Variants in DNAAF9 observed in about 807,000 individuals in gnomAD.
The protein encoded by DNAAF9 is dynein axonemal assembly factor 9.
DNAAF9 carries 90 observed loss-of-function variants against 167.0 expected under a neutral mutation model. The ratio of observed to expected loss-of-function variants is 0.54; its 90% CI spans 0.45 to 0.64. The LOEUF (loss-of-function observed/expected upper bound fraction) is 0.64, where lower values mean the gene tolerates loss of function less well. Ranked by LOEUF, DNAAF9 falls within the 30% of genes least tolerant of loss-of-function variation. DNAAF9 has a pLI of 0.00. For missense variants in DNAAF9, 1,315 were observed against 1,442.2 expected (o/e 0.91, Z 1.43); for synonymous variants, 491 against 508.8 (o/e 0.96, Z 0.47).
Position 3,270,465 on chromosome 20 carries a change from A to G in DNAAF9, c.2748T>C (p.Ala916=). The G allele has an allele frequency of 6.2e-7, 1 of 1,613,440 alleles. No homozygotes were observed. Among genetic ancestry groups the G allele is most frequent in the Non-Finnish European group, 8.5e-7 (1 of 1,179,416 alleles). Residue 916 remains alanine (A), a synonymous_variant, in exon 30 of 37, where the codon GCT becomes GCC. Transcript: ENST00000252032. ...CATTTTCTGCAAGAATGAAGGCTGCAGCAGGATTGGCAGCCCTGATGAGGC... is the reference window on the plus strand; with the variant it reads ...CATTTTCTGCAAGAATGAAGGCTGCGGCAGGATTGGCAGCCCTGATGAGGC... ...LQSLIRAANP[A]AAFILAENGI...
At chr20:3,382,150 T>C (rs1189152018) in intron 2 of DNAAF9, among the ~76,000 whole-genome samples, 1 of 152,178 alleles carries the variant, frequency 6.6e-6, no homozygotes, top group African/African-American at 2.4e-5. Context: ...TCTCAGAGTA[T>C]GGCTCTGGGC....
At chr20:3,374,228 G>A in intron 5 of DNAAF9, 74 bp from the exon 6 acceptor site, 5 of 938,032 alleles carry the variant, frequency 5.3e-6, no homozygotes, top group South Asian at 4.8e-5. Context: ...ACCTAACATG[G>A]TTAGACAGGT....
intron 1 of DNAAF9, 107 bp downstream of exon 1, chr20:3,407,368 C>T: frequency 1.0e-6 from 1 of 958,950 alleles, no homozygotes; most frequent in Non-Finnish European, 1.4e-6. Context: ...AAAGAACCGT[C>T]CCGAGGAAGC....
At position 3,394,947 on chromosome 20, in the gene DNAAF9, TTC is replaced by T. The variant is rs2083881582; in HGVS notation, c.84-12443_84-12442del. 1.2e-3 allele frequency among the ~76,000 whole-genome samples: 136 copies of T among 108,892 alleles called. 12 individuals are homozygous for T. The highest frequency in any genetic ancestry group is 1.8e-3 in the South Asian group (6 of 3,280). 71.4% of individuals were successfully genotyped at this position (108,892 alleles called of 152,430 possible). ...TGGCTTTTACTGAACATTTTCTTTT[TTC>T]TTTTTTTTTTTTTTTTTTTTTTTTT... is the stretch of plus-strand genomic sequence containing the variant. On this transcript the variant is annotated intron_variant, in intron 1 of 36. Coordinates refer to ENST00000252032, the MANE Select transcript of DNAAF9 (RefSeq NM_001009984.3).
intron 25 of DNAAF9, among the ~76,000 whole-genome samples, chr20:3,292,383 T>C (rs1278056051): frequency 1.3e-5 from 2 of 152,216 alleles, no homozygotes; most frequent in African/African-American, 4.8e-5. Context: ...AAAATGACGT[T>C]TCTCATTGCT....
intron 14 of DNAAF9, among the ~76,000 whole-genome samples, chr20:3,322,942 G>A (rs2069642650): frequency 6.6e-6 from 1 of 151,790 alleles, no homozygotes; most frequent in African/African-American, 2.4e-5. Flanking sequence ...CTTGACTCTT[G>A]GACCACAACA....
intron 30 of DNAAF9, among the ~76,000 whole-genome samples, chr20:3,266,723 C>A (rs780918506): frequency 6.6e-6 from 1 of 151,932 alleles, no homozygotes; most frequent in East Asian, 1.9e-4. Context: ...GTGATCTGCC[C>A]GCCTCAGCCT....
intron 4 of DNAAF9, among the ~76,000 whole-genome samples, chr20:3,375,653 A>C (rs1270863152): frequency 6.6e-6 from 1 of 152,184 alleles, no homozygotes; most frequent in African/African-American, 2.4e-5. Context: ...TAAAGTCAGG[A>C]GTTTGAGACC....
At chr20:3,323,591 C>T (rs1252245814) in intron 14 of DNAAF9, among the ~76,000 whole-genome samples, 2 of 152,126 alleles carry the variant, frequency 1.3e-5, no homozygotes, top group African/African-American at 4.8e-5. Flanking sequence ...CTCAGTGAAG[C>T]AATCTTTGTG....
chr20:3,312,340 G>C (rs1725797591), intron 20 of DNAAF9, among the ~76,000 whole-genome samples: 1 of 151,868 alleles, frequency 6.6e-6, no homozygotes, highest in African/African-American at 2.4e-5. Flanking sequence ...AAAATCAGAA[G>C]ACCTGTACTA....
Position 3,256,469 on chromosome 20 carries a change from G to A in DNAAF9, c.3056-258C>T, listed in dbSNP as rs527655939. ...CAAGGCTGCAGTGAGCTGAGATTGCGCCACTGTACTCCAGCCTGGGTGACA... is the reference window on the plus strand; with the variant it reads ...CAAGGCTGCAGTGAGCTGAGATTGCACCACTGTACTCCAGCCTGGGTGACA... On this transcript the variant is annotated intron_variant, in intron 33 of 36. Transcript: ENST00000252032. Among the ~76,000 whole-genome samples, 6 of 152,196 alleles carry A rather than the reference G, an allele frequency of 3.9e-5. 1 individual carries two copies. In the East Asian group the frequency reaches 5.8e-4, roughly 15 times the overall value.
At chr20:3,274,071 T>TA (rs1017228045) in intron 29 of DNAAF9, among the ~76,000 whole-genome samples, 3 of 150,840 alleles carry the variant, frequency 2.0e-5, no homozygotes, top group Admixed American at 6.6e-5. Flanking sequence ...TTCTCTGAAC[T>TA]AAAAAAAAAG....
rs1216737334 is a variant in DNAAF9, at chr20:3,270,531, G to T, written c.2682C>A (p.His894Gln). The change falls in exon 30 of 37, where the codon CAC becomes CAA. Residue 894 changes from histidine (H) to glutamine (Q), a missense_variant. Coordinates refer to ENST00000252032, the MANE Select transcript of DNAAF9 (RefSeq NM_001009984.3). Reference sequence around the variant, plus strand: ...GGAGAGGGTGCCGCTGCTCCGTGGTGTGACTGGTGAATACCACGTTACTCA... The same window carrying T: ...GGAGAGGGTGCCGCTGCTCCGTGGTTTGACTGGTGAATACCACGTTACTCA... ...GLVSNVVFTS[H>Q]TTEQRHPLLV... is the part of the protein sequence containing the mutation. 1 of 1,612,672 alleles carries T rather than the reference G, an allele frequency of 6.2e-7. No homozygotes were observed. The highest frequency in any genetic ancestry group is 8.5e-7 in the Non-Finnish European group (1 of 1,179,332).
intron 31 of DNAAF9, among the ~76,000 whole-genome samples, chr20:3,262,584 A>G (rs372912313): frequency 1.3e-5 from 2 of 151,192 alleles, no homozygotes; most frequent in African/African-American, 2.4e-5. Flanking sequence ...CTCTTACCCT[A>G]CTCTCTCCTG....
At chr20:3,296,383 C>CT (rs201495229) in intron 23 of DNAAF9, 4,888 of 308,958 alleles carry the variant, frequency 0.016, 36 homozygotes, top group Non-Finnish European at 0.021. Context: ...GGACATTTTT[C>CT]GTTTTTTTTT....
rs550924559 is a variant in DNAAF9 at position 3,318,974 on chromosome 20, T to C, written c.1357-574A>G. Among the ~76,000 whole-genome samples, 3 of 150,196 alleles carry C rather than the reference T, an allele frequency of 2.0e-5. No homozygotes were observed. In the East Asian group the frequency reaches 5.9e-4, roughly 30 times the overall value. On this transcript the variant is annotated intron_variant, in intron 16 of 36. Transcript: ENST00000252032. ...GGCGTGTGCCTGTAATCCCAGCTACTTGGGAGGCTGAGGCAGGAGAATTGC... is the reference window on the plus strand; with the variant it reads ...GGCGTGTGCCTGTAATCCCAGCTACCTGGGAGGCTGAGGCAGGAGAATTGC...
In DNAAF9 at chr20:3,315,311, G is replaced by T. The variant is rs2069483683; in HGVS notation, c.1591-191C>A. On this transcript the variant is annotated intron_variant, in intron 19 of 36. Transcript: ENST00000252032. The surrounding 1 kb of genome is among the most constrained non-coding windows in gnomAD (Gnocchi z 4.1). Reference sequence around the variant, plus strand: ...TGGCAGTTACTGGCATCCTTGATTTGTGCTGAGAAAAAGAACATTAAGATT... The same window carrying T: ...TGGCAGTTACTGGCATCCTTGATTTTTGCTGAGAAAAAGAACATTAAGATT... Among the ~76,000 whole-genome samples, 1 of 152,148 alleles carries T rather than the reference G, an allele frequency of 6.6e-6. No individual in the cohort carries two copies. Among genetic ancestry groups the T allele is most frequent in the Admixed American group, 6.6e-5 (1 of 15,254 alleles).
At position 3,347,943 on chromosome 20, in the gene DNAAF9, A is replaced by G. The variant is rs183287093; in HGVS notation, c.789+582T>C. 3.2e-3 allele frequency among the ~76,000 whole-genome samples: 487 copies of G among 152,178 alleles called. 6 individuals carry two copies. The highest frequency in any genetic ancestry group is 0.011 in the African/African-American group (452 of 41,528). ...TTTCAAAGGTAAAATGCGTAACAAC[A>G]AAGATCAATTCCAGCTCCATACCAT... On this transcript the variant is annotated intron_variant, in intron 8 of 36. Coordinates refer to ENST00000252032, the MANE Select transcript of DNAAF9 (RefSeq NM_001009984.3).
chr20:3,297,065 T>C, intron 22 of DNAAF9, 116 bp from the exon 23 acceptor site: 1 of 663,312 alleles, frequency 1.5e-6, no homozygotes, highest in Non-Finnish European at 2.7e-6. Flanking sequence ...AGAAAATGAC[T>C]ATAACAAACA....
Sources: gnomAD v4.1 joint callset for allele counts (sites outside exome capture counted in the v4.1 genomes callset) on GRCh38, gnomAD v4.1.1 for gene constraint, Gnocchi (gnomAD v3.1) non-coding constraint, MANE v1.5 for transcripts, NCBI Gene and HGNC (gene_info 2026-07-23, HGNC 2026-07-21) for gene names.